Variants in RHBG observed in about 807,000 individuals in gnomAD.
RHBG encodes the protein Rh family B glycoprotein.
In RHBG, 39 loss-of-function variants were observed where a neutral mutation model predicts 40.1. The ratio of observed to expected loss-of-function variants is 0.97; its 90% CI spans 0.75 to 1.27. RHBG has a LOEUF of 1.27. Among genes scored for constraint, RHBG ranks in the 50% most tolerant of loss-of-function variants. The pLI, the probability that RHBG is intolerant of heterozygous loss-of-function variation, is 0.00. For missense variants in RHBG, 549 were observed against 588.1 expected, an observed-to-expected ratio of 0.93 and a Z score of 0.69; for synonymous variants, 237 against 252.5, an observed-to-expected ratio of 0.94 and a Z score of 0.58.
chr1:156,381,729 T>A, intron 5 of RHBG, 77 bp from the exon 6 acceptor site: 1 of 1,517,384 alleles, frequency 6.6e-7, no homozygotes, highest in South Asian at 1.3e-5. Flanking sequence ...GCAGTAGGTG[T>A]CACTGTGGTG....
At chr1:156,384,725 C>A (rs1667928358) in intron 9 of RHBG, 52 bp from the exon 10 acceptor site, 2 of 1,590,690 alleles carry the variant, frequency 1.3e-6, no homozygotes, top group Admixed American at 1.7e-5. Flanking sequence ...TGAACTGTGG[C>A]TTCCAGGCTC....
rs1236830386 is a variant in RHBG, at chr1:156,381,812, A to G, written c.847A>G (p.Ile283Val). Residue 283 changes from isoleucine to valine, a missense_variant, in exon 6 of 10, where the codon ATC becomes GTC. Ile to Val is a conservative substitution (Grantham distance 29). Coordinates refer to ENST00000537040, the MANE Select transcript of RHBG (RefSeq NM_020407.5). ...GEDGRLDMVH[I>V]QNAALAGGVV... ...CACCTTGCTCTTCCCTTAGGTCCAC[A>G]TCCAAAATGCAGCGCTGGCTGGAGG... The G allele has an allele frequency of 6.3e-7, 1 of 1,583,684 alleles. No individual in the cohort carries two copies. The highest frequency in any genetic ancestry group is 1.4e-5 in the African/African-American group (1 of 72,578).
At position 156,381,458 on chromosome 1, in the gene RHBG, C is replaced by A; in HGVS notation, c.785C>A (p.Thr262Asn). ...LNTYYSLAAS[T>N]LGTFALSALV... ...ACATACTACTCCCTGGCTGCCAGCA[C>A]CCTTGGCACCTTTGCCTTGTCAGCC... The change falls in exon 5 of 10, where the codon ACC becomes AAC. Residue 262 changes from threonine (T) to asparagine (N), a missense_variant. Physicochemically the swap from Thr to Asn is moderately conservative, Grantham distance 65. Transcript: ENST00000537040. The A allele has an allele frequency of 6.2e-7, 1 of 1,614,008 alleles. No homozygotes were observed. The highest frequency in any genetic ancestry group is 8.5e-7 in the Non-Finnish European group (1 of 1,179,936).
Position 156,377,366 on chromosome 1 carries a change from T to TA in RHBG, c.254dup (p.Tyr85Ter). The TA allele has an allele frequency of 6.2e-7, 1 of 1,614,156 alleles. No homozygotes were observed. Among genetic ancestry groups the TA allele is most frequent in the Non-Finnish European group, 8.5e-7 (1 of 1,179,960 alleles). Residue 85 changes from tyrosine (Y) to a stop codon, truncating the protein, a stop_gained and frameshift_variant, in exon 2 of 10, where the codon TAC becomes TAAC. Coordinates refer to ENST00000537040, the MANE Select transcript of RHBG (RefSeq NM_020407.5). LOFTEE classifies it high-confidence loss of function. This position sits in a 1 kb window ranked among gnomAD's most constrained non-coding sequence, Gnocchi z 4.6. ...CTTCCTCATGGTCTTCCTGCAGCGTTACGGCTTCAGCAGCGTGGGCTTCAC... is the reference window on the plus strand; with the variant it reads ...CTTCCTCATGGTCTTCCTGCAGCGTTAACGGCTTCAGCAGCGTGGGCTTCAC... The part of the protein sequence containing the change: ...FGFLMVFLQR[Y>*]GFSSVGFTFL...
intron 1 of RHBG, among the ~76,000 whole-genome samples, chr1:156,370,484 C>A (rs1342781342): frequency 6.7e-6 from 1 of 148,886 alleles, no homozygotes; most frequent in African/African-American, 2.5e-5. Context: ...TGGTGGCAGG[C>A]GCCTGTAATC....
chr1:156,372,303 GCTAGAACCA>G (rs1283612050), intron 1 of RHBG, among the ~76,000 whole-genome samples: 1 of 152,210 alleles, frequency 6.6e-6, no homozygotes, highest in Non-Finnish European at 1.5e-5. Flanking sequence ...AAGGAGCCAG[GCTAGAACCA>G]GGTCTCTTGA....
rs1277412675 is a variant in RHBG at position 156,384,847 on chromosome 1, C to T, written c.*2C>T. On this transcript the variant is annotated 3_prime_UTR_variant, in exon 10 of 10. Transcript: ENST00000537040. ...GAGGAGGCAGACACTCAGGCCTAAC[C>T]CACTGCCAGCCCCTGAGAGGACACG... 2 of 1,595,320 alleles carry T rather than the reference C, an allele frequency of 1.3e-6. No individual in the cohort carries two copies. Among genetic ancestry groups the T allele is most frequent in the Non-Finnish European group, 1.7e-6 (2 of 1,164,280 alleles).
intron 9 of RHBG, 79 bp downstream of exon 9, chr1:156,384,679 C>T: frequency 1.3e-6 from 2 of 1,541,922 alleles, no homozygotes; most frequent in South Asian, 1.2e-5. Context: ...TGCCTTCTTC[C>T]TTCCTTGCTG....
In RHBG at chr1:156,377,559, G is replaced by A; in HGVS notation, c.374+72G>A. ...CCCCTGCCCATGGGCCCCGGATCTA[G>A]CCCTGTCCTTCAAGTCTGCTTCCTG... On this transcript the variant is annotated intron_variant, in intron 2 of 9. Transcript: ENST00000537040. This position sits in a 1 kb window ranked among gnomAD's most constrained non-coding sequence, Gnocchi z 4.6. 1 of 1,480,686 alleles carries A rather than the reference G, an allele frequency of 6.8e-7. No homozygotes were observed. The highest frequency in any genetic ancestry group is 9.2e-7 in the Non-Finnish European group (1 of 1,091,376). 91.7% of individuals were successfully genotyped at this position (1,480,686 alleles called of 1,614,324 possible). A position where few individuals can be genotyped will look rare whatever the true frequency, so the allele number is the denominator to read the frequency against.
At chr1:156,376,690 G>A (rs1453998229) in intron 1 of RHBG, among the ~76,000 whole-genome samples, 4 of 152,062 alleles carry the variant, frequency 2.6e-5, no homozygotes, top group African/African-American at 7.2e-5. Context: ...AAAAATAACC[G>A]GGCACAGTGG....
At chr1:156,371,401 C>A in intron 1 of RHBG, 1 of 301,320 alleles carries the variant, frequency 3.3e-6, no homozygotes, top group Non-Finnish European at 6.4e-6. Flanking sequence ...CTCAGGTGAT[C>A]CACCCACCTC....
In RHBG at chr1:156,385,203, A is replaced by C. The variant is rs1667960375; in HGVS notation, c.*358A>C. On this transcript the variant is annotated 3_prime_UTR_variant, in exon 10 of 10. Coordinates refer to ENST00000537040, the MANE Select transcript of RHBG (RefSeq NM_020407.5). Reference sequence around the variant, plus strand: ...AAGCCAGGCCTGGTTGAGGGTGATAAACGCCACTGTCTCTAAGGGTTCTGA... The same window carrying C: ...AAGCCAGGCCTGGTTGAGGGTGATACACGCCACTGTCTCTAAGGGTTCTGA... 1 of 211,932 alleles carries C rather than the reference A, an allele frequency of 4.7e-6. No individual in the cohort carries two copies. Among genetic ancestry groups the C allele is most frequent in the Non-Finnish European group, 9.6e-6 (1 of 104,574 alleles). 13.1% of individuals were successfully genotyped at this position (211,932 alleles called of 1,614,324 possible). A position where few individuals can be genotyped will look rare whatever the true frequency, so the allele number is the denominator to read the frequency against.
chr1:156,371,164 C>CA (rs1557793790), intron 1 of RHBG: 2 of 389,234 alleles, frequency 5.1e-6, no homozygotes, highest in Non-Finnish European at 9.9e-6. Context: ...TATTTTCTTT[C>CA]TTTTTTTTTT....
Position 156,377,175 on chromosome 1 carries a change from T to C in RHBG, c.188-126T>C. On this transcript the variant is annotated intron_variant, in intron 1 of 9. Transcript: ENST00000537040. The surrounding 1 kb of genome is among the most constrained non-coding windows in gnomAD (Gnocchi z 4.6). The stretch of plus-strand genomic sequence containing the variant: ...GGAGCCCCTGACATGCCTGGGGAGT[T>C]TTATAGGCTCGGCTCAAGGCAGCCC... 9.1e-7 allele frequency: 1 copy of C among 1,104,862 alleles called. No homozygotes were observed. Among genetic ancestry groups the C allele is most frequent in the Non-Finnish European group, 1.3e-6 (1 of 757,728 alleles). 68.4% of individuals were successfully genotyped at this position (1,104,862 alleles called of 1,614,324 possible). A position where few individuals can be genotyped will look rare whatever the true frequency, so the allele number is the denominator to read the frequency against.
intron 1 of RHBG, 28 bp downstream of exon 1, chr1:156,369,464 A>AGCAAAGACCCCAAGATTT (rs770146042): frequency 1.3e-6 from 2 of 1,572,348 alleles, no homozygotes; most frequent in Admixed American, 3.7e-5. Context: ...GCGCGCGGGA[A>AGCAAAGACCCCAAGATTT]GCAAAGACCC....
chr1:156,376,852 C>T (rs977903948), intron 1 of RHBG, among the ~76,000 whole-genome samples: 7 of 152,012 alleles, frequency 4.6e-5, no homozygotes, highest in Non-Finnish European at 1.0e-4. Context: ...ACTTAAAAAT[C>T]CTCAAAAGGA....
chr1:156,369,542 C>A, intron 1 of RHBG, 106 bp downstream of exon 1: 2 of 1,236,392 alleles, frequency 1.6e-6, no homozygotes, highest in Non-Finnish European at 1.1e-6. Context: ...AGCTGGGCAG[C>A]CGTCTCGCTC....
chr1:156,381,632 C>T, intron 5 of RHBG, 119 bp downstream of exon 5: 1 of 1,391,170 alleles, frequency 7.2e-7, no homozygotes, highest in Non-Finnish European at 9.8e-7. Context: ...ATAGGGGCTC[C>T]ATCTGTGCTG....
rs1434897843 is a variant in RHBG, at chr1:156,378,455, G to T, written c.673+56G>T. ...GGGGGCTGGTCTGGAGGCCTCATCT[G>T]GGCCAGAGGTGACTGTCTCTCGGGG... On this transcript the variant is annotated intron_variant, in intron 4 of 9. Transcript: ENST00000537040. The T allele has an allele frequency of 1.4e-5, 21 of 1,519,726 alleles. No homozygotes were observed. In the East Asian group the frequency reaches 3.2e-4, roughly 23 times the overall value. The allele number at this position is 1,519,726 out of a possible 1,614,324, so 94.1% of individuals were successfully genotyped here. A position where few individuals can be genotyped will look rare whatever the true frequency, so the allele number is the denominator to read the frequency against.
Sources: gnomAD v4.1 joint callset for allele counts (sites outside exome capture counted in the v4.1 genomes callset) on GRCh38, gnomAD v4.1.1 for gene constraint, Gnocchi (gnomAD v3.1) non-coding constraint, MANE v1.5 for transcripts, NCBI Gene and HGNC (gene_info 2026-07-23, HGNC 2026-07-21) for gene names.